Variants in PIAS2 observed in about 807,000 individuals in gnomAD.
The protein encoded by PIAS2 is protein inhibitor of activated STAT 2, also known as E3 SUMO-protein ligase PIAS2.
A neutral mutation model predicts 69.7 loss-of-function variants in PIAS2; 19 were observed. The observed-to-expected ratio is 0.27, with a 90% CI of 0.19 to 0.40. The LOEUF is 0.40. Among genes scored for constraint, PIAS2 ranks in the 10% least tolerant of loss-of-function variants. PIAS2 has a pLI of 1.00. For missense variants in PIAS2, 624 were observed against 757.0 expected (o/e 0.82, Z 2.06); for synonymous variants, 261 against 263.2 (o/e 0.99, Z 0.08).
At chr18:46,828,266 G>C (rs771884811) in intron 10 of PIAS2, 136 bp from the exon 11 acceptor site, 8 of 659,702 alleles carry the variant, frequency 1.2e-5, no homozygotes, top group East Asian at 8.4e-5. Context: ...CCAACCCATG[G>C]ACAAATACCA....
At chr18:46,887,546 T>C (rs974664027) in intron 2 of PIAS2, among the ~76,000 whole-genome samples, 2 of 152,224 alleles carry the variant, frequency 1.3e-5, no homozygotes, top group African/African-American at 2.4e-5. Context: ...ATAACTTCAT[T>C]AGGCAGTAAG....
intron 1 of PIAS2, among the ~76,000 whole-genome samples, chr18:46,909,561 G>C (rs1429013808): frequency 6.6e-6 from 1 of 152,158 alleles, no homozygotes; most frequent in Non-Finnish European, 1.5e-5. Context: ...AAAACCTTTT[G>C]AAGTGTGACA....
Position 46,817,595 on chromosome 18 carries a change from G to A in PIAS2, c.1649-2246C>T, listed in dbSNP as rs147244453. The A allele has an allele frequency of 1.2e-5, 11 of 943,974 alleles. No individual in the cohort carries two copies. In the East Asian group the frequency reaches 4.6e-4, roughly 40 times the overall value. The allele number at this position is 943,974 out of a possible 1,614,324, so 58.5% of individuals were successfully genotyped here. ...ATCTGTATATTGATACCTCATCCAC[G>A]GAAAATTGAATGTGGTGACTTATAC... On this transcript the variant is annotated intron_variant, in intron 12 of 13. Transcript: ENST00000585916.
At position 46,875,135 on chromosome 18, in the gene PIAS2, C is replaced by T. The variant is rs182312597; in HGVS notation, c.500-10887G>A. On this transcript the variant is annotated intron_variant, in intron 2 of 13. Coordinates refer to ENST00000585916, the MANE Select transcript of PIAS2 (RefSeq NM_004671.5). The stretch of plus-strand genomic sequence containing the variant: ...ACCATCCCTTAACCCTTCAGTTTGA[C>T]GCTTGTTCAGTCATCTCATATGGAG... Among the ~76,000 whole-genome samples the T allele has an allele frequency of 1.2e-3, 180 of 152,244 alleles. No individual in the cohort carries two copies. In the East Asian group the frequency reaches 0.015, roughly 13 times the overall value.
chr18:46,885,301 G>A (rs556989810), intron 2 of PIAS2, among the ~76,000 whole-genome samples: 24 of 152,190 alleles, frequency 1.6e-4, no homozygotes, highest in Admixed American at 4.6e-4. Flanking sequence ...GGCAGACCAC[G>A]AGGTCAGGAG....
chr18:46,831,064 G>T (rs114649549), intron 9 of PIAS2, among the ~76,000 whole-genome samples: 286 of 152,232 alleles, frequency 1.9e-3, no homozygotes, highest in African/African-American at 6.5e-3. Context: ...GTCAATGCAA[G>T]GCGGTGGGAA....
chr18:46,880,977 T>C (rs191020945), intron 2 of PIAS2, among the ~76,000 whole-genome samples: 19 of 152,340 alleles, frequency 1.2e-4, no homozygotes, highest in Admixed American at 1.0e-3. Flanking sequence ...AAATAGAACA[T>C]AGCAAAACTG....
At chr18:46,917,099 G>A in intron 1 of PIAS2, 1 of 989,580 alleles carries the variant, frequency 1.0e-6, no homozygotes, top group Non-Finnish European at 1.2e-6. Context: ...TCAGGAGCCG[G>A]CTCGCCGCGG....
chr18:46,919,631 AGAGT>A (rs1445577188), upstream of PIAS2, among the ~76,000 whole-genome samples: 2 of 152,204 alleles, frequency 1.3e-5, no homozygotes, highest in African/African-American at 4.8e-5. Context: ...CCTGGGCAAC[AGAGT>A]GAGACTTTGT....
intron 9 of PIAS2, among the ~76,000 whole-genome samples, chr18:46,830,770 T>G (rs1289879262): frequency 6.6e-6 from 1 of 152,158 alleles, no homozygotes; most frequent in African/African-American, 2.4e-5. Context: ...AAGAAAATCC[T>G]AGGCCCAATG....
Position 46,806,849 on chromosome 18 carries a change from C to T in PIAS2, c.*5584G>A, listed in dbSNP as rs1408925193. On this transcript the variant is annotated 3_prime_UTR_variant, in exon 14 of 14. Transcript: ENST00000585916. ...CTCTTCGTCACTTAAAATAATTAAG[C>T]TTTGAGAACACAAAATAAAGCTTTT... The T allele has an allele frequency of 2.0e-5, 3 of 152,124 alleles. No homozygotes were observed. Among genetic ancestry groups the T allele is most frequent in the Non-Finnish European group, 2.9e-5 (2 of 68,018 alleles). The allele number at this position is 152,124 out of a possible 1,614,324, so 9.4% of individuals were successfully genotyped here. A position where few individuals can be genotyped will look rare whatever the true frequency, so the allele number is the denominator to read the frequency against.
chr18:46,916,961 G>A, intron 1 of PIAS2: 2 of 985,722 alleles, frequency 2.0e-6, no homozygotes, highest in South Asian at 4.7e-5. Context: ...ACACCCCGGT[G>A]AAGGTGCAAG....
rs758983468 is a variant in PIAS2, at chr18:46,810,110, A to G, written c.*2323T>C. ...ATTTTTTAAAATGCAAGTTGCCTGT[A>G]TGAAATAAATTAAAAATTTATATGT... On this transcript the variant is annotated 3_prime_UTR_variant, in exon 14 of 14. Transcript: ENST00000585916. The G allele has an allele frequency of 2.0e-5, 3 of 152,200 alleles. No individual in the cohort carries two copies. Among genetic ancestry groups the G allele is most frequent in the African/African-American group, 4.8e-5 (2 of 41,450 alleles). The allele number at this position is 152,200 out of a possible 1,614,324, so 9.4% of individuals were successfully genotyped here.
chr18:46,803,929 G>C lies in PIAS2; in HGVS notation c.*8504C>G, dbSNP rs578094427. On this transcript the variant is annotated 3_prime_UTR_variant, in exon 14 of 14. Coordinates refer to ENST00000585916, the MANE Select transcript of PIAS2 (RefSeq NM_004671.5). The stretch of plus-strand genomic sequence containing the variant: ...ATGGCCCTTGCCCCTGTAAGTTTTG[G>C]AGTTCAGAAGGTGAGTATGCTGCCT... 6.6e-6 allele frequency: 1 copy of C among 152,216 alleles called. No homozygotes were observed. Among genetic ancestry groups the C allele is most frequent in the East Asian group, 1.9e-4 (1 of 5,182 alleles). 9.4% of individuals were successfully genotyped at this position (152,216 alleles called of 1,614,324 possible).
At chr18:46,856,586 C>T (rs539384441) in intron 3 of PIAS2, among the ~76,000 whole-genome samples, 5 of 152,248 alleles carry the variant, frequency 3.3e-5, no homozygotes, top group African/African-American at 1.2e-4. Context: ...ATGGAGTCTA[C>T]GGGGAAGCAG....
At chr18:46,852,539 T>C (rs2047120368) in intron 5 of PIAS2, 2 of 152,192 alleles carry the variant, frequency 1.3e-5, no homozygotes, top group Non-Finnish European at 1.5e-5. Context: ...AATAGTCTAA[T>C]ACAAGTAATC....
At position 46,840,576 on chromosome 18, in the gene PIAS2, A is replaced by G. The variant is rs112892032; in HGVS notation, c.1041+3478T>C. On this transcript the variant is annotated intron_variant, in intron 8 of 13. Transcript: ENST00000585916. The stretch of plus-strand genomic sequence containing the variant: ...CTTAAAATTTCCACAGCATACAGAA[A>G]CGAGAATATCCAGGACTATAAAAGT... Among the ~76,000 whole-genome samples the G allele has an allele frequency of 3.3e-5, 5 of 152,148 alleles. No individual in the cohort carries two copies. In the East Asian group the frequency reaches 9.6e-4, roughly 29 times the overall value.
intron 3 of PIAS2, among the ~76,000 whole-genome samples, chr18:46,859,986 A>G (rs1203769336): frequency 1.3e-5 from 2 of 152,222 alleles, no homozygotes; most frequent in Non-Finnish European, 2.9e-5. Context: ...GCTAAAGCCA[A>G]AAAGAGAACT....
intron 1 of PIAS2, among the ~76,000 whole-genome samples, chr18:46,906,625 T>G (rs1038225662): frequency 6.6e-6 from 1 of 152,058 alleles, no homozygotes. Flanking sequence ...AAAACTTTAT[T>G]GAAAGATGTT....
Sources: gnomAD v4.1 joint callset for allele counts (sites outside exome capture counted in the v4.1 genomes callset) on GRCh38, gnomAD v4.1.1 for gene constraint, MANE v1.5 for transcripts, NCBI Gene and HGNC (gene_info 2026-07-23, HGNC 2026-07-21) for gene names.